RIMS2: variants seen among roughly 807,000 people sequenced by gnomAD.
The protein encoded by RIMS2 is regulating synaptic membrane exocytosis 2.
Under a neutral mutation model 174.4 loss-of-function variants are expected in RIMS2, and 59 were observed. The observed-to-expected ratio is 0.34, with a 90% CI of 0.27 to 0.42. The LOEUF is 0.42. Among genes scored for constraint, RIMS2 ranks in the 10% least tolerant of loss-of-function variants. The probability of loss-of-function intolerance (pLI) is 1.00; values close to 1 mark genes in which losing one functional copy is unlikely to be tolerated. For synonymous variants in RIMS2, 606 were observed against 572.5 expected (o/e 1.06, Z -0.84); for missense variants, 1,620 against 1,666.3 (o/e 0.97, Z 0.48).
intron 13 of RIMS2, among the ~76,000 whole-genome samples, chr8:103,938,861 A>T (rs927900372): frequency 5.0e-4 from 76 of 152,228 alleles, no homozygotes; most frequent in African/African-American, 1.8e-3. Context: ...GAGGCTGTCA[A>T]ATCTTAAAAC....
intron 19 of RIMS2, among the ~76,000 whole-genome samples, chr8:104,208,164 G>A (rs986892803): frequency 6.6e-6 from 1 of 152,140 alleles, no homozygotes; most frequent in African/African-American, 2.4e-5. Flanking sequence ...CCTGGCCAGA[G>A]ATATAGTACA....
chr8:103,588,009 A>G (rs1267353155), intron 1 of RIMS2, among the ~76,000 whole-genome samples: 1 of 152,086 alleles, frequency 6.6e-6, no homozygotes. Flanking sequence ...GGAAAAACCT[A>G]AAGACTCCAC....
At chr8:103,806,801 G>T (rs2098653216) in intron 3 of RIMS2, among the ~76,000 whole-genome samples, 1 of 152,026 alleles carries the variant, frequency 6.6e-6, no homozygotes, top group Admixed American at 6.6e-5. Context: ...AGATAGAGTT[G>T]ATAGAACCTA....
chr8:103,590,502 T>G (rs2094200141), intron 1 of RIMS2, among the ~76,000 whole-genome samples: 1 of 151,260 alleles, frequency 6.6e-6, no homozygotes, highest in Non-Finnish European at 1.5e-5. Context: ...GAATTTTTAA[T>G]TTTTTTCCAA....
intron 1 of RIMS2, among the ~76,000 whole-genome samples, chr8:103,530,273 C>T (rs1836381008): frequency 1.3e-5 from 2 of 151,826 alleles, no homozygotes; most frequent in African/African-American, 4.8e-5. Flanking sequence ...TAATGTACAC[C>T]TTCCAAGCTA....
intron 19 of RIMS2, among the ~76,000 whole-genome samples, chr8:104,199,916 AACCTGGGTCCT>A (rs1394676360): frequency 6.6e-6 from 1 of 152,176 alleles, no homozygotes; most frequent in Non-Finnish European, 1.5e-5. Flanking sequence ...GAATATGATG[AACCTGGGTCCT>A]ACTTGGGGAA....
At chr8:104,115,774 T>C (rs980046515) in intron 19 of RIMS2, among the ~76,000 whole-genome samples, 1 of 152,148 alleles carries the variant, frequency 6.6e-6, no homozygotes, top group Admixed American at 6.6e-5. Flanking sequence ...GGTGGTGAGC[T>C]GGAGAATGTA....
chr8:104,000,372 G>T (rs964805981), intron 17 of RIMS2, among the ~76,000 whole-genome samples: 1 of 151,540 alleles, frequency 6.6e-6, no homozygotes, highest in African/African-American at 2.4e-5. Context: ...TGCTAATCAT[G>T]CATTTCATAC....
At chr8:103,707,259 A>G (rs1314521741) in intron 2 of RIMS2, among the ~76,000 whole-genome samples, 2 of 152,176 alleles carry the variant, frequency 1.3e-5, no homozygotes, top group Admixed American at 6.5e-5. Context: ...CTATGACTCC[A>G]GGGTTGGTTA....
intron 19 of RIMS2, among the ~76,000 whole-genome samples, chr8:104,243,197 C>T (rs962544901): frequency 2.0e-5 from 3 of 152,052 alleles, no homozygotes; most frequent in Admixed American, 6.5e-5. Context: ...CCTTAGATTG[C>T]GGAACTGAGT....
At chr8:103,957,125 AAT>A (rs78490601) in intron 14 of RIMS2, among the ~76,000 whole-genome samples, 19,275 of 152,192 alleles carry the variant, frequency 0.13, 1,674 homozygotes, top group Non-Finnish European at 0.19. Flanking sequence ...GATATCGAGA[AAT>A]AGGAACGCTT....
At chr8:104,169,280 G>T (rs2098816569) in intron 19 of RIMS2, among the ~76,000 whole-genome samples, 1 of 140,828 alleles carries the variant, frequency 7.1e-6, no homozygotes, top group South Asian at 2.3e-4. Context: ...GACTCCATCA[G>T]TCCTGGACTT....
At chr8:103,574,044 C>T (rs2093027382) in intron 1 of RIMS2, among the ~76,000 whole-genome samples, 1 of 150,796 alleles carries the variant, frequency 6.6e-6, no homozygotes, top group South Asian at 2.1e-4. Flanking sequence ...TACATGTTCC[C>T]GATTGGCCAT....
At chr8:103,825,224 T>G (rs2098781720) in intron 3 of RIMS2, among the ~76,000 whole-genome samples, 4 of 152,140 alleles carry the variant, frequency 2.6e-5, no homozygotes, top group Admixed American at 2.6e-4. Context: ...AATGAAATTT[T>G]ATAGAAGGTA....
intron 1 of RIMS2, among the ~76,000 whole-genome samples, chr8:103,600,671 C>G (rs1440578359): frequency 6.6e-6 from 1 of 152,148 alleles, no homozygotes; most frequent in Non-Finnish European, 1.5e-5. Context: ...GTGCAGATCT[C>G]TCTTCAATAT....
chr8:103,617,565 A>C (rs983103893), intron 1 of RIMS2, among the ~76,000 whole-genome samples: 1 of 152,196 alleles, frequency 6.6e-6, no homozygotes, highest in Non-Finnish European at 1.5e-5. Flanking sequence ...CAACAGAGTA[A>C]ACAGACAGCC....
chr8:104,251,903 T>G, downstream of RIMS2: 1 of 798,684 alleles, frequency 1.3e-6, no homozygotes, highest in Non-Finnish European at 2.1e-6. Context: ...CTGGTAACAC[T>G]GCATGCTTAA....
intron 3 of RIMS2, among the ~76,000 whole-genome samples, chr8:103,851,801 T>C (rs2099000041): frequency 6.6e-6 from 1 of 151,992 alleles, no homozygotes; most frequent in Admixed American, 6.6e-5. Flanking sequence ...ATTCATATTA[T>C]GATTTCATTT....
intron 10 of RIMS2, among the ~76,000 whole-genome samples, chr8:103,923,686 T>C (rs886394049): frequency 2.0e-5 from 3 of 151,864 alleles, no homozygotes; most frequent in Non-Finnish European, 3.0e-5. Flanking sequence ...ATGATATTAG[T>C]AGTAAAACTT....
Sources: gnomAD v4.1 joint callset for allele counts (sites outside exome capture counted in the v4.1 genomes callset) on GRCh38, gnomAD v4.1.1 for gene constraint, MANE v1.5 for transcripts, NCBI Gene and HGNC (gene_info 2026-07-23, HGNC 2026-07-21) for gene names.